Variants in MAGI2 observed in about 807,000 individuals in gnomAD.
The protein encoded by MAGI2 is membrane-associated guanylate kinase, WW and PDZ domain-containing protein 2.
In MAGI2, 35 loss-of-function variants were observed where a neutral mutation model predicts 133.3. The ratio of observed to expected loss-of-function variants is 0.26; its 90% CI spans 0.20 to 0.35. The LOEUF (loss-of-function observed/expected upper bound fraction) is 0.35. MAGI2 is among the 10% of genes least tolerant of loss of function. MAGI2 has a pLI of 1.00. For missense variants in MAGI2, 1,636 were observed against 1,863.4 expected (o/e 0.88, Z 2.25); for synonymous variants, 729 against 710.6 (o/e 1.03, Z -0.41).
At chr7:78,323,020 TA>T (rs1562821228) in intron 9 of MAGI2, among the ~76,000 whole-genome samples, 1 of 138,382 alleles carries the variant, frequency 7.2e-6, no homozygotes, top group Non-Finnish European at 1.6e-5. Context: ...TAAAAATAAA[TA>T]TGTGTTCATC....
chr7:78,454,627 T>C (rs546225086), intron 6 of MAGI2, among the ~76,000 whole-genome samples: 3 of 152,310 alleles, frequency 2.0e-5, no homozygotes, highest in African/African-American at 7.2e-5. Flanking sequence ...TGAATGTTTG[T>C]AGCAACTTAA....
At chr7:79,024,312 C>A (rs1809643211) in intron 1 of MAGI2, among the ~76,000 whole-genome samples, 1 of 152,094 alleles carries the variant, frequency 6.6e-6, no homozygotes, top group East Asian at 1.9e-4. Context: ...CCCTTCCTTA[C>A]ACCATATACA....
intron 10 of MAGI2, among the ~76,000 whole-genome samples, chr7:78,232,050 A>G (rs1790033591): frequency 6.6e-6 from 1 of 151,966 alleles, no homozygotes; most frequent in South Asian, 2.1e-4. Context: ...GAGGTATTCC[A>G]CAAGAAAAAA....
intron 1 of MAGI2, among the ~76,000 whole-genome samples, chr7:79,306,808 G>T (rs2129560225): frequency 6.8e-6 from 1 of 147,174 alleles, no homozygotes; most frequent in East Asian, 2.1e-4. Context: ...GCTTTCCTTT[G>T]ATTTCTGAAG....
intron 2 of MAGI2, among the ~76,000 whole-genome samples, chr7:78,936,751 C>T (rs2151669720): frequency 6.6e-6 from 1 of 152,074 alleles, no homozygotes; most frequent in African/African-American, 2.4e-5. Flanking sequence ...ATAGGTTCCT[C>T]TACTGTCAGG....
intron 10 of MAGI2, among the ~76,000 whole-genome samples, chr7:78,237,499 C>G (rs1177551079): frequency 1.3e-5 from 2 of 152,112 alleles, no homozygotes; most frequent in East Asian, 1.9e-4. Context: ...CAAGAATCTC[C>G]TCGATACAAT....
intron 1 of MAGI2, among the ~76,000 whole-genome samples, chr7:79,279,549 A>G (rs1326590182): frequency 1.3e-5 from 2 of 152,148 alleles, no homozygotes; most frequent in African/African-American, 2.4e-5. Context: ...CACGCCTGTA[A>G]TCCCAGCACT....
chr7:79,391,931 G>T (rs544216541), intron 1 of MAGI2, among the ~76,000 whole-genome samples: 4 of 151,872 alleles, frequency 2.6e-5, no homozygotes, highest in Admixed American at 6.6e-5. Context: ...TGATCTGCCC[G>T]CCTTGGCCTC....
chr7:78,303,113 C>T (rs1215445884), intron 9 of MAGI2, among the ~76,000 whole-genome samples: 3 of 152,078 alleles, frequency 2.0e-5, no homozygotes, highest in Admixed American at 2.0e-4. Flanking sequence ...CACGGTGGCT[C>T]ATGCCTGTAG....
chr7:79,305,398 G>T (rs539287302), intron 1 of MAGI2, among the ~76,000 whole-genome samples: 1 of 152,012 alleles, frequency 6.6e-6, no homozygotes, highest in African/African-American at 2.4e-5. Context: ...AAATAATAAT[G>T]GTATAACACT....
intron 6 of MAGI2, among the ~76,000 whole-genome samples, chr7:78,408,437 G>A (rs1797585826): frequency 6.6e-6 from 1 of 152,130 alleles, no homozygotes; most frequent in South Asian, 2.1e-4. Flanking sequence ...TGAGGGGCAA[G>A]GTCCACAGCC....
intron 1 of MAGI2, among the ~76,000 whole-genome samples, chr7:79,114,550 A>G (rs1819225719): frequency 6.6e-6 from 1 of 152,218 alleles, no homozygotes; most frequent in Non-Finnish European, 1.5e-5. Context: ...GAGAAAGAAC[A>G]GTTAGCTGCC....
chr7:78,120,797 C>T (rs1344135420), intron 20 of MAGI2, among the ~76,000 whole-genome samples: 1 of 150,898 alleles, frequency 6.6e-6, no homozygotes, highest in Non-Finnish European at 1.5e-5. Context: ...GTCAGGAGAT[C>T]GAGACCATCC....
chr7:78,554,008 G>T, intron 3 of MAGI2, among the ~76,000 whole-genome samples: 1 of 152,100 alleles, frequency 6.6e-6, no homozygotes, highest in East Asian at 1.9e-4. Flanking sequence ...TTGGTTATAT[G>T]TATTTTCCCC....
intron 1 of MAGI2, among the ~76,000 whole-genome samples, chr7:79,066,107 C>T (rs1184165467): frequency 3.3e-5 from 5 of 152,096 alleles, no homozygotes; most frequent in Non-Finnish European, 7.4e-5. Context: ...AATGGTGTTT[C>T]TAGTTCTAGA....
At chr7:79,214,393 CTCTCTCTCTCTCTCTATATATATA>C (rs1408993166) in intron 1 of MAGI2, among the ~76,000 whole-genome samples, 47 of 91,770 alleles carry the variant, frequency 5.1e-4, no homozygotes, top group African/African-American at 1.3e-3. Context: ...CTCTCTCTCT[CTCTCTCTCTCTCTCTATATATATA>C]TATATATATA....
intron 2 of MAGI2, among the ~76,000 whole-genome samples, chr7:78,686,278 A>G (rs1048222363): frequency 4.6e-5 from 7 of 152,124 alleles, no homozygotes; most frequent in Middle Eastern, 6.3e-3. Context: ...GTTGATGGCT[A>G]ATGGAAAGGA....
At chr7:79,210,209 C>T (rs1462099344) in intron 1 of MAGI2, among the ~76,000 whole-genome samples, 2 of 152,058 alleles carry the variant, frequency 1.3e-5, no homozygotes, top group African/African-American at 2.4e-5. Context: ...ATGAGTGTGA[C>T]AGAATCAACT....
intron 6 of MAGI2, among the ~76,000 whole-genome samples, chr7:78,463,652 C>T (rs1430970873): frequency 1.3e-5 from 2 of 152,286 alleles, no homozygotes; most frequent in East Asian, 3.9e-4. Context: ...GAAACTCCCC[C>T]TCGCAAATGG....
Sources: allele counts gnomAD v4.1 joint callset (sites outside exome capture counted in the v4.1 genomes callset), GRCh38; gene constraint gnomAD v4.1.1; transcripts MANE v1.5; gene names NCBI Gene and HGNC (gene_info 2026-07-23, HGNC 2026-07-21).